BTBD9: variants seen among roughly 807,000 people sequenced by gnomAD.
BTBD9 encodes the protein BTB/POZ domain-containing protein 9.
BTBD9 carries 49 observed loss-of-function variants against 64.3 expected under a neutral mutation model. The observed-to-expected ratio is 0.76, with a 90% CI of 0.61 to 0.97. BTBD9 has a LOEUF of 0.97. BTBD9 is among the 50% of genes least tolerant of loss of function. The probability of loss-of-function intolerance (pLI) is 0.00; values close to 1 mark genes in which losing one functional copy is unlikely to be tolerated. For synonymous variants in BTBD9, 260 were observed against 274.7 expected (o/e 0.95, Z 0.53); for missense variants, 598 against 762.1 (o/e 0.78, Z 2.53).
intron 6 of BTBD9, among the ~76,000 whole-genome samples, chr6:38,451,425 T>C (rs1251336851): frequency 1.3e-5 from 2 of 152,200 alleles, no homozygotes. Flanking sequence ...AACTAACTTA[T>C]GAGTAACTGA....
intron 6 of BTBD9, among the ~76,000 whole-genome samples, chr6:38,409,353 C>A (rs770774244): frequency 6.6e-6 from 1 of 152,142 alleles, no homozygotes; most frequent in Non-Finnish European, 1.5e-5. Context: ...CTGAGATATT[C>A]TATAAGGGCT....
At chr6:38,395,866 A>G (rs1433342463) in intron 6 of BTBD9, among the ~76,000 whole-genome samples, 1 of 152,042 alleles carries the variant, frequency 6.6e-6, no homozygotes, top group Non-Finnish European at 1.5e-5. Context: ...TGTGCCATCA[A>G]GCCCAGCTAA....
At chr6:38,504,568 G>A (rs1357910458) in intron 6 of BTBD9, 12 of 456,490 alleles carry the variant, frequency 2.6e-5, no homozygotes, top group Non-Finnish European at 4.8e-5. Context: ...ATAAACTGCG[G>A]GTGAAATGTG....
chr6:38,387,820 C>G (rs1766244622), intron 6 of BTBD9, among the ~76,000 whole-genome samples: 1 of 151,604 alleles, frequency 6.6e-6, no homozygotes, highest in South Asian at 2.1e-4. Flanking sequence ...CATGCAGAAT[C>G]ATAAAGGAGA....
At chr6:38,538,973 GGTT>G (rs1277612309) in intron 6 of BTBD9, among the ~76,000 whole-genome samples, 4 of 152,052 alleles carry the variant, frequency 2.6e-5, no homozygotes, top group Admixed American at 6.5e-5. Flanking sequence ...GGACAGGAGG[GGTT>G]GTTGTTGTTT....
chr6:38,582,229 T>C (rs189722633), intron 4 of BTBD9, among the ~76,000 whole-genome samples: 1 of 152,354 alleles, frequency 6.6e-6, no homozygotes, highest in African/African-American at 2.4e-5. Context: ...ATCAGAAGTT[T>C]AAGTGCTATC....
chr6:38,475,370 C>CAATG (rs375606949), intron 6 of BTBD9, among the ~76,000 whole-genome samples: 5,878 of 152,294 alleles, frequency 0.039, 212 homozygotes, highest in East Asian at 0.13. Context: ...ACATTGCTGT[C>CAATG]TCCATCTTTG....
chr6:38,446,012 C>A (rs543634455), intron 6 of BTBD9, among the ~76,000 whole-genome samples: 37 of 152,314 alleles, frequency 2.4e-4, no homozygotes, highest in African/African-American at 8.2e-4. Flanking sequence ...AATGCAATTT[C>A]TATCCCCCTT....
chr6:38,203,223 G>A (rs571297670), intron 9 of BTBD9, among the ~76,000 whole-genome samples: 26 of 152,190 alleles, frequency 1.7e-4, no homozygotes, highest in African/African-American at 6.0e-4. Context: ...ACTGTTGGTG[G>A]GAATGTAAAT....
intron 7 of BTBD9, among the ~76,000 whole-genome samples, chr6:38,321,732 C>A (rs558890965): frequency 1.3e-5 from 2 of 152,168 alleles, no homozygotes; most frequent in East Asian, 3.9e-4. Context: ...ATAAGTTGCA[C>A]AACACTCCTC....
chr6:38,336,993 G>A (rs1284482915), intron 7 of BTBD9, among the ~76,000 whole-genome samples: 1 of 152,126 alleles, frequency 6.6e-6, no homozygotes, highest in Admixed American at 6.5e-5. Flanking sequence ...CTGACAAGCA[G>A]AACCAGCCTT....
At chr6:38,488,426 G>T (rs897047569) in intron 6 of BTBD9, among the ~76,000 whole-genome samples, 1 of 152,162 alleles carries the variant, frequency 6.6e-6, no homozygotes, top group African/African-American at 2.4e-5. Context: ...AGAGCTGCAA[G>T]GAACCGTATA....
At chr6:38,628,281 T>G (rs561960067) in intron 1 of BTBD9, among the ~76,000 whole-genome samples, 2 of 152,242 alleles carry the variant, frequency 1.3e-5, no homozygotes, top group South Asian at 4.2e-4. Context: ...TTCAAATGAA[T>G]AACATAACCA....
At chr6:38,175,285 C>G in intron 10 of BTBD9, 103 bp from the exon 11 acceptor site, 4 of 1,246,194 alleles carry the variant, frequency 3.2e-6, no homozygotes, top group South Asian at 1.3e-5. Flanking sequence ...GGGGCCACCA[C>G]GAGGGAGTTA....
At chr6:38,567,374 T>C (rs537294796) in intron 6 of BTBD9, among the ~76,000 whole-genome samples, 1 of 152,208 alleles carries the variant, frequency 6.6e-6, no homozygotes. Flanking sequence ...ATATGACCCA[T>C]ATTATTTGGA....
chr6:38,458,233 C>T (rs796413518), intron 6 of BTBD9, among the ~76,000 whole-genome samples: 24 of 152,300 alleles, frequency 1.6e-4, no homozygotes, highest in African/African-American at 4.8e-4. Context: ...GTTCTCTTTT[C>T]TACTAATTTT....
intron 6 of BTBD9, among the ~76,000 whole-genome samples, chr6:38,389,906 T>C (rs948462516): frequency 3.9e-5 from 6 of 152,228 alleles, no homozygotes; most frequent in African/African-American, 1.4e-4. Flanking sequence ...AATACAGCTT[T>C]ATGTTATGCA....
At chr6:38,607,678 CACTTTGTATAATA>C (rs767838981) in intron 1 of BTBD9, among the ~76,000 whole-genome samples, 4 of 151,560 alleles carry the variant, frequency 2.6e-5, no homozygotes, top group Non-Finnish European at 5.9e-5. Flanking sequence ...GCTCCAGGCT[CACTTTGTATAATA>C]ACTAACTCTG....
intron 6 of BTBD9, among the ~76,000 whole-genome samples, chr6:38,507,828 A>ATTTTT (rs34808509): frequency 4.0e-5 from 5 of 125,388 alleles, no homozygotes; most frequent in East Asian, 2.2e-4. Context: ...TGTCTCCCAA[A>ATTTTT]TTTTTTTTTT....
Sources: allele counts gnomAD v4.1 joint callset (sites outside exome capture counted in the v4.1 genomes callset), GRCh38; gene constraint gnomAD v4.1.1; transcripts MANE v1.5; gene names NCBI Gene and HGNC (gene_info 2026-07-23, HGNC 2026-07-21).